Variants in CSMD2 observed in about 807,000 individuals in gnomAD.
CSMD2 encodes CUB and sushi domain-containing protein 2.
CSMD2 carries 130 observed loss-of-function variants against 398.5 expected under a neutral mutation model. The ratio of observed to expected loss-of-function variants is 0.33; its 90% CI spans 0.28 to 0.38. The LOEUF (loss-of-function observed/expected upper bound fraction) is 0.38. CSMD2 is among the 10% of genes least tolerant of loss of function. The pLI is 1.00. For missense variants in CSMD2, 3,829 were observed against 4,764.9 expected, an observed-to-expected ratio of 0.80 and a Z score of 5.78; for synonymous variants, 1,828 against 1,908.5, an observed-to-expected ratio of 0.96 and a Z score of 1.10.
chr1:33,847,433 C>T (rs900944477), intron 5 of CSMD2, among the ~76,000 whole-genome samples: 1 of 151,896 alleles, frequency 6.6e-6, no homozygotes, highest in Admixed American at 6.6e-5. Context: ...CTCTCCTTGG[C>T]TTTGAAGCAC....
intron 1 of CSMD2, among the ~76,000 whole-genome samples, chr1:34,105,001 T>G (rs1660387861): frequency 6.6e-6 from 1 of 152,304 alleles, no homozygotes; most frequent in Middle Eastern, 3.4e-3. Flanking sequence ...GCTCAGTTCA[T>G]CTCCTCTAAG....
intron 68 of CSMD2, among the ~76,000 whole-genome samples, chr1:33,520,905 C>T (rs1195842152): frequency 1.3e-5 from 2 of 152,224 alleles, no homozygotes; most frequent in Non-Finnish European, 2.9e-5. Flanking sequence ...CACCCAGAGG[C>T]TCTGGGCCAG....
chr1:33,890,138 C>T (rs1340159258), intron 5 of CSMD2, among the ~76,000 whole-genome samples: 2 of 151,482 alleles, frequency 1.3e-5, no homozygotes, highest in Non-Finnish European at 2.9e-5. Context: ...AATGACCATG[C>T]TTTATGTTTA....
chr1:33,809,883 C>T (rs1656659870), intron 10 of CSMD2, among the ~76,000 whole-genome samples: 1 of 151,724 alleles, frequency 6.6e-6, no homozygotes, highest in Non-Finnish European at 1.5e-5. Flanking sequence ...GTAGAATGTG[C>T]AATTTTAAAA....
At chr1:33,722,937 G>A (rs768115536) in intron 19 of CSMD2, among the ~76,000 whole-genome samples, 2 of 151,974 alleles carry the variant, frequency 1.3e-5, no homozygotes, top group Non-Finnish European at 2.9e-5. Context: ...TGTTCCAATG[G>A]TTCAACCCAC....
At chr1:33,872,485 G>A (rs970780718) in intron 5 of CSMD2, among the ~76,000 whole-genome samples, 1 of 152,064 alleles carries the variant, frequency 6.6e-6, no homozygotes, top group African/African-American at 2.4e-5. Flanking sequence ...AAGAGATTAG[G>A]GTAGGCCTCA....
chr1:34,057,720 G>A (rs898045930), intron 2 of CSMD2, among the ~76,000 whole-genome samples: 1 of 152,078 alleles, frequency 6.6e-6, no homozygotes, highest in African/African-American at 2.4e-5. Context: ...TTAAACCATG[G>A]GCTCCAGCTC....
chr1:33,846,909 C>T lies in CSMD2; in HGVS notation c.1008G>A (p.Gln336=). Residue 336 remains glutamine, a synonymous_variant, in exon 6 of 71, where the codon CAG becomes CAA. Transcript: ENST00000373381. ...LHFTSDGNHR[Q]RGFSAQYQVK... ...CTTGGTATTGGGCACTGAATCCGCGCTGCCGGTGGTTGCCATCCGATGTGA... is the reference window on the plus strand; with the variant it reads ...CTTGGTATTGGGCACTGAATCCGCGTTGCCGGTGGTTGCCATCCGATGTGA... 1.9e-6 allele frequency: 3 copies of T among 1,609,060 alleles called. No homozygotes were observed. The highest frequency in any genetic ancestry group is 2.7e-5 in the African/African-American group (2 of 74,848).
At chr1:33,910,102 A>G (rs1226997800) in intron 5 of CSMD2, among the ~76,000 whole-genome samples, 1 of 152,106 alleles carries the variant, frequency 6.6e-6, no homozygotes, top group Non-Finnish European at 1.5e-5. Flanking sequence ...TCACAAAAAA[A>G]GTTTTATAGC....
intron 32 of CSMD2, among the ~76,000 whole-genome samples, chr1:33,629,785 C>T (rs1642356961): frequency 6.6e-6 from 1 of 151,886 alleles, no homozygotes; most frequent in African/African-American, 2.4e-5. Flanking sequence ...CTCTGTCGCC[C>T]AGGCTGGAGT....
intron 1 of CSMD2, among the ~76,000 whole-genome samples, chr1:34,161,751 G>A (rs932895970): frequency 1.3e-5 from 2 of 152,254 alleles, no homozygotes; most frequent in South Asian, 2.1e-4. Flanking sequence ...CCCCTTTGAA[G>A]AGAAGTGACT....
chr1:33,626,713 G>T, intron 32 of CSMD2, 132 bp from the exon 33 acceptor site: 1 of 599,172 alleles, frequency 1.7e-6, no homozygotes, highest in Non-Finnish European at 2.9e-6. Flanking sequence ...AGGCCTTCCT[G>T]AAATAAAATC....
At position 33,633,581 on chromosome 1, in the gene CSMD2, C is replaced by A; in HGVS notation, c.5087-46G>T. On this transcript the variant is annotated intron_variant, in intron 31 of 70. Transcript: ENST00000373381. The surrounding 1 kb of genome is among the most constrained non-coding windows in gnomAD (Gnocchi z 5.0). ...GGGGACTGGGCAGGCACGCTGGGGG[C>A]AGGAGAGGGGATCTAGGGGTCTAGG... 7.0e-7 allele frequency: 1 copy of A among 1,425,576 alleles called. No homozygotes were observed. The highest frequency in any genetic ancestry group is 9.7e-7 in the Non-Finnish European group (1 of 1,032,370). The allele number at this position is 1,425,576 out of a possible 1,614,324, so 88.3% of individuals were successfully genotyped here.
intron 44 of CSMD2, among the ~76,000 whole-genome samples, chr1:33,595,241 T>C (rs1394919161): frequency 6.6e-6 from 1 of 152,248 alleles, no homozygotes; most frequent in East Asian, 1.9e-4. Flanking sequence ...TTTTATATTT[T>C]TGAAGACTGC....
intron 12 of CSMD2, among the ~76,000 whole-genome samples, chr1:33,780,418 C>G (rs532564405): frequency 3.3e-5 from 5 of 152,112 alleles, no homozygotes; most frequent in African/African-American, 1.2e-4. Flanking sequence ...TTTCTGCACA[C>G]GATTGCCACA....
intron 5 of CSMD2, among the ~76,000 whole-genome samples, chr1:33,881,542 A>G (rs974572785): frequency 3.9e-5 from 6 of 152,070 alleles, no homozygotes; most frequent in Non-Finnish European, 7.4e-5. Flanking sequence ...TGGGGTAGTT[A>G]AAGCAAGGTG....
At chr1:33,911,544 C>G (rs1287557468) in intron 5 of CSMD2, among the ~76,000 whole-genome samples, 1 of 151,860 alleles carries the variant, frequency 6.6e-6, no homozygotes, top group Non-Finnish European at 1.5e-5. Flanking sequence ...CCTACAAAAA[C>G]AAAAGCAAAT....
intron 3 of CSMD2, among the ~76,000 whole-genome samples, chr1:33,982,668 G>A (rs1646212707): frequency 6.6e-6 from 1 of 152,216 alleles, no homozygotes; most frequent in Non-Finnish European, 1.5e-5. Flanking sequence ...GGTTATAGGA[G>A]ACCTGCCAGT....
In CSMD2 at chr1:33,846,931, G is replaced by A. The variant is rs1266103125; in HGVS notation, c.986C>T (p.Thr329Ile). ...SSKNWLRLHF[T>I]SDGNHRQRGF... ...GCGCTGCCGGTGGTTGCCATCCGATGTGAAGTGCAGTCGCAGCCAGTTCTT... is the reference window on the plus strand; with the variant it reads ...GCGCTGCCGGTGGTTGCCATCCGATATGAAGTGCAGTCGCAGCCAGTTCTT... Residue 329 changes from threonine to isoleucine, a missense_variant, in exon 6 of 71, where the codon ACA becomes ATA. Thr to Ile is a moderately conservative substitution (Grantham distance 89). Coordinates refer to ENST00000373381, the MANE Select transcript of CSMD2 (RefSeq NM_001281956.2). 2.5e-6 allele frequency: 4 copies of A among 1,610,736 alleles called. No individual in the cohort carries two copies. The highest frequency in any genetic ancestry group is 2.2e-5 in the South Asian group (2 of 90,546).
Sources: gnomAD v4.1 joint callset for allele counts (sites outside exome capture counted in the v4.1 genomes callset) on GRCh38, gnomAD v4.1.1 for gene constraint, Gnocchi (gnomAD v3.1) non-coding constraint, MANE v1.5 for transcripts, NCBI Gene and HGNC (gene_info 2026-07-23, HGNC 2026-07-21) for gene names.